The following PRKAG2 variants were observed in gnomAD, a reference collection of about 807,000 sequenced individuals.
PRKAG2 encodes the protein 5'-AMP-activated protein kinase subunit gamma-2.
In PRKAG2, 26 loss-of-function variants were observed where a neutral mutation model predicts 69.6. The ratio of observed to expected loss-of-function variants is 0.37; its 90% confidence interval spans 0.27 to 0.52. The LOEUF (loss-of-function observed/expected upper bound fraction) is 0.52. Among genes scored for constraint, PRKAG2 ranks in the 20% least tolerant of loss-of-function variants. The pLI is 0.90. For synonymous variants in PRKAG2, 293 were observed against 285.0 expected (o/e 1.03, Z -0.28); for missense variants, 557 against 740.0 (o/e 0.75, Z 2.87).
chr7:151,779,622 G>A (rs1470454914), intron 3 of PRKAG2, among the ~76,000 whole-genome samples: 1 of 152,186 alleles, frequency 6.6e-6, no homozygotes, highest in Non-Finnish European at 1.5e-5. Flanking sequence ...CTGAGCACAG[G>A]CAGTACCATG....
intron 1 of PRKAG2, among the ~76,000 whole-genome samples, chr7:151,797,331 C>T (rs1447193989): frequency 1.1e-4 from 16 of 148,154 alleles, no homozygotes; most frequent in Non-Finnish European, 3.0e-5. Flanking sequence ...CCATGAACTA[C>T]AATAAAATTG....
intron 1 of PRKAG2, among the ~76,000 whole-genome samples, chr7:151,819,837 A>C (rs1378807728): frequency 6.6e-6 from 1 of 152,220 alleles, no homozygotes; most frequent in African/African-American, 2.4e-5. Context: ...CTGAGTGTGC[A>C]TGCAGCTCCT....
chr7:151,815,792 G>A (rs1379361726), intron 1 of PRKAG2, among the ~76,000 whole-genome samples: 2 of 152,282 alleles, frequency 1.3e-5, no homozygotes, highest in East Asian at 3.9e-4. Context: ...GAGAAAATGA[G>A]GGTCCCCATT....
chr7:151,857,129 G>GAAA (rs34768438), intron 1 of PRKAG2, among the ~76,000 whole-genome samples: 17,793 of 122,368 alleles, frequency 0.15, 1,474 homozygotes, highest in East Asian at 0.28. Flanking sequence ...ATCATTGCTG[G>GAAA]AAAAAAAAAA....
chr7:151,675,025 A>G (rs1307756471), intron 4 of PRKAG2: 1 of 344,324 alleles, frequency 2.9e-6, no homozygotes, highest in Non-Finnish European at 5.7e-6. Flanking sequence ...AGGTTTAAGC[A>G]ATTCTTATGC....
chr7:151,760,477 G>A (rs116192146), intron 3 of PRKAG2, among the ~76,000 whole-genome samples: 3,127 of 152,188 alleles, frequency 0.021, 111 homozygotes, highest in African/African-American at 0.072. Flanking sequence ...CAGGTGATCC[G>A]CCCACCTCGG....
chr7:151,571,226 C>T (rs1391897904), intron 9 of PRKAG2, among the ~76,000 whole-genome samples: 1 of 152,016 alleles, frequency 6.6e-6, no homozygotes, highest in East Asian at 1.9e-4. Flanking sequence ...TGCGCACCAC[C>T]ACGCCTGGCT....
intron 1 of PRKAG2, among the ~76,000 whole-genome samples, chr7:151,861,464 G>C (rs11762502): frequency 0.012 from 1,762 of 142,884 alleles, 26 homozygotes; most frequent in Middle Eastern, 0.05. Context: ...GGAGGCTGAG[G>C]TTGCAGTGAG....
chr7:151,700,713 C>T (rs1015938032), intron 3 of PRKAG2, among the ~76,000 whole-genome samples: 1 of 152,028 alleles, frequency 6.6e-6, no homozygotes. Context: ...CTCCGCCACG[C>T]GTCCCAGGCC....
rs2151237154 is a variant in PRKAG2 at position 151,614,905 on chromosome 7, G to A, written c.754+17164C>T. On this transcript the variant is annotated intron_variant, in intron 5 of 15. Transcript: ENST00000287878. The surrounding 1 kb of genome is among the most constrained non-coding windows in gnomAD (Gnocchi z 4.4). ...GCCTCAAAGGGGCCATGTGGATCCA[G>A]AGGGAACCTCGAGAGAGGAGCCGTG... 6.6e-6 allele frequency among the ~76,000 whole-genome samples: 1 copy of A among 152,350 alleles called. No individual in the cohort carries two copies. The highest frequency in any genetic ancestry group is 2.1e-4 in the South Asian group (1 of 4,830).
intron 3 of PRKAG2, chr7:151,736,115 A>G: frequency 6.7e-7 from 1 of 1,490,454 alleles, no homozygotes; most frequent in South Asian, 1.3e-5. Flanking sequence ...GCGCCCCAAA[A>G]GCTCAGAGTG....
intron 1 of PRKAG2, among the ~76,000 whole-genome samples, chr7:151,824,169 G>A (rs997365293): frequency 6.6e-6 from 1 of 152,162 alleles, no homozygotes; most frequent in Non-Finnish European, 1.5e-5. Context: ...GGACTCAAGG[G>A]CATGCCGTAA....
Position 151,561,646 on chromosome 7 carries a change from A to C in PRKAG2, c.1585-1029T>G, listed in dbSNP as rs748742418. On this transcript the variant is annotated intron_variant, in intron 14 of 15. Transcript: ENST00000287878. ...GCGTTGCTATTCTCTTAAAAGCTTC[A>C]TGATGGCCGGGCGCGATGGCTCACG... 5.5e-4 allele frequency among the ~76,000 whole-genome samples: 84 copies of C among 152,352 alleles called. 2 individuals carry two copies. Among genetic ancestry groups the C allele is most frequent in the Non-Finnish European group, 9.4e-4 (64 of 68,022 alleles).
intron 3 of PRKAG2, among the ~76,000 whole-genome samples, chr7:151,721,152 C>G (rs1797025322): frequency 6.6e-6 from 1 of 151,946 alleles, no homozygotes; most frequent in South Asian, 2.1e-4. Context: ...GCCTGGCCAC[C>G]TACCCAGGCA....
At chr7:151,739,568 C>T (rs1055961279) in intron 3 of PRKAG2, among the ~76,000 whole-genome samples, 3 of 152,054 alleles carry the variant, frequency 2.0e-5, no homozygotes, top group Non-Finnish European at 4.4e-5. Context: ...CTCCTGGGCT[C>T]AAATGATCCT....
intron 1 of PRKAG2, among the ~76,000 whole-genome samples, chr7:151,792,273 C>T (rs2077301218): frequency 6.6e-6 from 1 of 152,178 alleles, no homozygotes; most frequent in South Asian, 2.1e-4. Flanking sequence ...TTCTTCTTAA[C>T]TAAAAGTAAC....
intron 3 of PRKAG2, among the ~76,000 whole-genome samples, chr7:151,760,567 C>T (rs1220977061): frequency 6.6e-6 from 1 of 152,148 alleles, no homozygotes; most frequent in Admixed American, 6.5e-5. Context: ...CTGGGGACTG[C>T]CCTACAGCAT....
At chr7:151,825,689 G>A (rs1373230810) in intron 1 of PRKAG2, among the ~76,000 whole-genome samples, 1 of 152,186 alleles carries the variant, frequency 6.6e-6, no homozygotes, top group Non-Finnish European at 1.5e-5. Context: ...TCTCTGGGAC[G>A]CTCCTCAGGC....
At position 151,861,425 on chromosome 7, in the gene PRKAG2, G is replaced by C. The variant is rs561228069; in HGVS notation, c.114+15082C>G. 2.0e-5 allele frequency among the ~76,000 whole-genome samples: 3 copies of C among 150,644 alleles called. No individual in the cohort carries two copies. In the East Asian group the frequency reaches 6.0e-4, roughly 30 times the overall value. On this transcript the variant is annotated intron_variant, in intron 1 of 15. Transcript: ENST00000287878. ...TGCTTGTAATCCCAGCTACTGGGGA[G>C]GCTGACACATAAGAATTGGTTGAAC...
Sources: allele counts gnomAD v4.1 joint callset (sites outside exome capture counted in the v4.1 genomes callset), GRCh38; gene constraint gnomAD v4.1.1; non-coding constraint Gnocchi (gnomAD v3.1); transcripts MANE v1.5; gene names NCBI Gene and HGNC (gene_info 2026-07-23, HGNC 2026-07-21).